Variants in NXF1 observed in about 807,000 individuals in gnomAD.
The protein encoded by NXF1 is nuclear RNA export factor 1.
A neutral mutation model predicts 92.4 loss-of-function variants in NXF1; 43 were observed. The ratio of observed to expected loss-of-function variants is 0.47; its 90% CI spans 0.36 to 0.60. NXF1 has a LOEUF of 0.60. Among genes scored for constraint, NXF1 ranks in the 20% least tolerant of loss-of-function variants. NXF1 has a pLI of 0.00. For missense variants in NXF1, 576 were observed against 793.0 expected (o/e 0.73, Z 3.29); for synonymous variants, 288 against 292.2 (o/e 0.99, Z 0.15).
At chr11:62,794,193 G>A (rs563021098) in intron 19 of NXF1, 65 bp downstream of exon 19, 2 of 1,459,720 alleles carry the variant, frequency 1.4e-6, no homozygotes, top group Admixed American at 2.1e-5. Context: ...ACTGTCAGGA[G>A]CCCTCATTAT....
Position 62,794,261 on chromosome 11 carries a change from T to C in NXF1, c.1757A>G (p.Gln586Arg). The C allele has an allele frequency of 6.2e-7, 1 of 1,613,172 alleles. No individual in the cohort carries two copies. Among genetic ancestry groups the C allele is most frequent in the Non-Finnish European group, 8.5e-7 (1 of 1,179,182 alleles). Reference protein sequence around the residue: ...TQSGMNLEWSQKCLQDNNWDY... With the variant: ...TQSGMNLEWSRKCLQDNNWDY... ...CCTACACATGCCCCGCACTCACTTC[T>C]GGGACCACTCGAGGTTCATGCCAGA... Residue 586 changes from glutamine to arginine, a missense_variant, in exon 19 of 21, where the codon CAG becomes CGG. This residue lies in a region of NXF1 where 425 missense variants were observed against 635.2 expected (regional missense o/e 0.67). Coordinates refer to ENST00000294172, the MANE Select transcript of NXF1 (RefSeq NM_006362.5).
chr11:62,804,149 G>A (rs1298429962), intron 1 of NXF1, 171 bp from the exon 2 acceptor site: 1 of 1,540,592 alleles, frequency 6.5e-7, no homozygotes, highest in African/African-American at 1.4e-5. Context: ...CTCTGTGGGA[G>A]GGCAGCATCA....
intron 11 of NXF1, among the ~76,000 whole-genome samples, chr11:62,798,069 G>A (rs1344459609): frequency 2.0e-5 from 3 of 150,596 alleles, no homozygotes; most frequent in Non-Finnish European, 3.0e-5. Flanking sequence ...GGAGGCAAAC[G>A]GTGCAGTGAG....
intron 16 of NXF1, 47 bp from the exon 17 acceptor site, chr11:62,795,990 G>A (rs778854752): frequency 1.9e-6 from 3 of 1,612,436 alleles, no homozygotes; most frequent in East Asian, 4.5e-5. Context: ...CTCAGAGCCT[G>A]AGTGCCCCCC....
intron 17 of NXF1, 48 bp downstream of exon 17, chr11:62,795,853 G>T (rs1013467526): frequency 6.4e-7 from 1 of 1,564,148 alleles, no homozygotes; most frequent in Non-Finnish European, 8.8e-7. Flanking sequence ...GAAAATTCCA[G>T]CTGGGGGTGG....
intron 19 of NXF1, among the ~76,000 whole-genome samples, chr11:62,792,962 GA>G (rs965224467): frequency 6.6e-6 from 1 of 152,038 alleles, no homozygotes; most frequent in Non-Finnish European, 1.5e-5. Flanking sequence ...TGTAAGTAAA[GA>G]AACTAAGTTG....
At position 62,792,464 on chromosome 11, in the gene NXF1, G is replaced by T; in HGVS notation, c.*12C>A. ...ATTTACAGGGGGGACTGCTTCTGAG[G>T]CATGACTACGATCACTTCATGAATG... On this transcript the variant is annotated 3_prime_UTR_variant, in exon 21 of 21. Transcript: ENST00000294172. 8 of 1,614,160 alleles carry T rather than the reference G, an allele frequency of 5.0e-6. No homozygotes were observed. The highest frequency in any genetic ancestry group is 6.8e-6 in the Non-Finnish European group (8 of 1,179,976).
At position 62,800,103 on chromosome 11, in the gene NXF1, T is replaced by A; in HGVS notation, c.1016+274A>T. ...AGATGCCTTTCCTGGAACAACAGGG[T>A]AGGGAGATTCTAGAAAAGGTTGTGT... On this transcript the variant is annotated intron_variant, in intron 10 of 20. Coordinates refer to ENST00000294172, the MANE Select transcript of NXF1 (RefSeq NM_006362.5). 2.3e-6 allele frequency: 3 copies of A among 1,297,382 alleles called. No individual in the cohort carries two copies. The South Asian group carries it at 5.9e-5, about 26-fold the overall frequency. The allele number at this position is 1,297,382 out of a possible 1,614,324, so 80.4% of individuals were successfully genotyped here.
intron 10 of NXF1, chr11:62,798,968 C>A: frequency 6.8e-6 from 7 of 1,033,620 alleles, no homozygotes; most frequent in Non-Finnish European, 8.1e-6. Flanking sequence ...TCAGTTCTGC[C>A]AGGTCTGGCT....
Position 62,800,394 on chromosome 11 carries a change from G to C in NXF1, c.999C>G (p.Asp333Glu). 6.2e-7 allele frequency: 1 copy of C among 1,614,040 alleles called. No individual in the cohort carries two copies. The highest frequency in any genetic ancestry group is 8.5e-7 in the Non-Finnish European group (1 of 1,179,980). The change falls in exon 10 of 21, where the codon GAC (aspartate) becomes GAG (glutamate). Residue 333 changes from aspartate to glutamate, a missense_variant. Asp to Glu is a conservative substitution (Grantham distance 45). Around this residue, in one of 2 missense-constraint regions of NXF1, gnomAD observed 425 missense variants for 635.2 expected, o/e 0.67. Transcript: ENST00000294172. ...CAACTGACCTGATGTAGGTGGACTG[G>C]TCTCGGAAGGTGTCACACAGGGAGT... ...DGNSLCDTFR[D>E]QSTYISAIRE...
At chr11:62,804,184 T>C in intron 1 of NXF1, 1 of 1,525,384 alleles carries the variant, frequency 6.6e-7, no homozygotes, top group Non-Finnish European at 8.8e-7. Context: ...GAAAACTGTG[T>C]AGGGCTTTTG....
intron 1 of NXF1, chr11:62,804,188 G>A: frequency 6.6e-7 from 1 of 1,521,912 alleles, no homozygotes; most frequent in Non-Finnish European, 8.8e-7. Flanking sequence ...ACTGTGTAGG[G>A]CTTTTGAAAA....
chr11:62,803,596 T>C (rs762976877), intron 2 of NXF1, 24 bp from the exon 3 acceptor site: 3 of 1,613,464 alleles, frequency 1.9e-6, no homozygotes, highest in Non-Finnish European at 2.5e-6. Context: ...GAGAATAAAA[T>C]GACCACAAAT....
At position 62,801,309 on chromosome 11, in the gene NXF1, T is replaced by C. The variant is rs748593573; in HGVS notation, c.798+20A>G. On this transcript the variant is annotated intron_variant, in intron 8 of 20. Coordinates refer to ENST00000294172, the MANE Select transcript of NXF1 (RefSeq NM_006362.5). ...ACACACCCTGCTTCCTCATGCCTAA[T>C]ACTGGGCCAAAGGCCTTACCTCAGG... 1 of 1,613,030 alleles carries C rather than the reference T, an allele frequency of 6.2e-7. No individual in the cohort carries two copies. The highest frequency in any genetic ancestry group is 8.5e-7 in the Non-Finnish European group (1 of 1,179,030).
rs1266089655 is a variant in NXF1 at position 62,801,638 on chromosome 11, G to A, written c.640-7C>T. Reference sequence around the variant, plus strand: ...ATCGTTTGCTCATGATCAGCTAGAGGAAAAAGAAGGGTTTAGTGGTCACTG... The same window carrying A: ...ATCGTTTGCTCATGATCAGCTAGAGAAAAAAGAAGGGTTTAGTGGTCACTG... On this transcript the variant is annotated splice_polypyrimidine_tract_variant and splice_region_variant and intron_variant, in intron 6 of 20. Transcript: ENST00000294172. The A allele has an allele frequency of 6.2e-7, 1 of 1,612,448 alleles. No homozygotes were observed. Among genetic ancestry groups the A allele is most frequent in the Non-Finnish European group, 8.5e-7 (1 of 1,178,976 alleles).
At chr11:62,795,792 G>T in intron 17 of NXF1, 109 bp downstream of exon 17, 2 of 1,069,808 alleles carry the variant, frequency 1.9e-6, no homozygotes, top group Non-Finnish European at 2.8e-6. Context: ...GGGAGAAGGA[G>T]CTCAAAAAGA....
intron 15 of NXF1, 33 bp downstream of exon 15, chr11:62,796,253 CT>C: frequency 6.2e-7 from 1 of 1,613,706 alleles, no homozygotes; most frequent in East Asian, 2.2e-5. Context: ...TTCCCATGCC[CT>C]TTTCCCATAT....
Position 62,801,353 on chromosome 11 carries a change from C to A in NXF1, c.774G>T (p.Arg258Ser), listed in dbSNP as rs1258451452. 6.2e-7 allele frequency: 1 copy of A among 1,614,134 alleles called. No homozygotes were observed. The highest frequency in any genetic ancestry group is 1.3e-5 in the African/African-American group (1 of 75,058). ...CCTCAGGGATGTTCTCTTCAATGAT[C>A]CTCAGGGTAGCTGCCATACAGCTTC... ...NRRSCMAATL[R>S]IIEENIPELL... The change falls in exon 8 of 21, where the codon AGG becomes AGT. Residue 258 changes from arginine (R) to serine (S), a missense_variant. By Grantham distance (110) the Arg-to-Ser change is moderately radical (BLOSUM62 -1). This residue lies in a region of NXF1 where 425 missense variants were observed against 635.2 expected (regional missense o/e 0.67). Transcript: ENST00000294172.
chr11:62,801,305 C>T, intron 8 of NXF1, 24 bp downstream of exon 8: 4 of 1,612,836 alleles, frequency 2.5e-6, no homozygotes, highest in Non-Finnish European at 3.4e-6. Flanking sequence ...TTCCTCATGC[C>T]TAATACTGGG....
Sources: allele counts gnomAD v4.1 joint callset (sites outside exome capture counted in the v4.1 genomes callset), GRCh38; gene constraint gnomAD v4.1.1; regional missense constraint gnomAD v4.1.1; transcripts MANE v1.5; gene names NCBI Gene and HGNC (gene_info 2026-07-23, HGNC 2026-07-21).